Variants in TRIM4 observed in about 807,000 individuals in gnomAD.
TRIM4 encodes tripartite motif containing 4.
TRIM4 carries 29 observed loss-of-function variants against 33.7 expected under a neutral mutation model. That is an observed-to-expected ratio of 0.86 (90% CI 0.64 to 1.17). The LOEUF is 1.17. Ranked by LOEUF, TRIM4 falls within the 50% of genes most tolerant of loss-of-function variation. TRIM4 has a pLI of 0.00. For synonymous variants in TRIM4, 224 were observed against 233.0 expected, an observed-to-expected ratio of 0.96 and a Z score of 0.35; for missense variants, 554 against 593.7, an observed-to-expected ratio of 0.93 and a Z score of 0.69.
In TRIM4 at chr7:99,903,617, C is replaced by A. The variant is rs1323326432; in HGVS notation, c.721-19G>T. On this transcript the variant is annotated intron_variant, in intron 3 of 5. Transcript: ENST00000349062. ...TTGGATTCTGTGAAAAGAAGGAAGA[C>A]ATAAGCAAATTACGAACCTTCTCCT... 1 of 1,614,218 alleles carries A rather than the reference C, an allele frequency of 6.2e-7. No individual in the cohort carries two copies. Among genetic ancestry groups the A allele is most frequent in the East Asian group, 2.2e-5 (1 of 44,894 alleles).
intron 1 of TRIM4, chr7:99,917,624 C>A: frequency 5.7e-6 from 1 of 174,474 alleles, no homozygotes; most frequent in Non-Finnish European, 1.1e-5. Context: ...TAAGCTGAGG[C>A]AGGAGAATCA....
At position 99,919,338 on chromosome 7, in the gene TRIM4, G is replaced by A. The variant is rs1184981486; in HGVS notation, c.64C>T (p.Pro22Ser). The change falls in exon 1 of 6, where the codon CCG becomes TCG. Residue 22 changes from proline to serine, a missense_variant. Transcript: ENST00000349062. ...TTGTGGCCGCACTCGATGGACACCGGGTCCTGGAAATAGTCCAGGCAGATG... is the reference window on the plus strand; with the variant it reads ...TTGTGGCCGCACTCGATGGACACCGAGTCCTGGAAATAGTCCAGGCAGATG... ...CPICLDYFQD[P>S]VSIECGHNFC... is the part of the protein sequence containing the mutation. 2 of 1,580,430 alleles carry A rather than the reference G, an allele frequency of 1.3e-6. No homozygotes were observed. The highest frequency in any genetic ancestry group is 1.4e-5 in the African/African-American group (1 of 73,058).
At chr7:99,897,992 A>G (rs1346717353) in intron 5 of TRIM4, among the ~76,000 whole-genome samples, 4 of 152,212 alleles carry the variant, frequency 2.6e-5, no homozygotes, top group African/African-American at 9.7e-5. Flanking sequence ...ACCTCTTTCC[A>G]GAACACAACA....
At chr7:99,895,596 G>T (rs1818998968) in intron 5 of TRIM4, among the ~76,000 whole-genome samples, 1 of 152,156 alleles carries the variant, frequency 6.6e-6, no homozygotes, top group South Asian at 2.1e-4. Flanking sequence ...CTATATCCCT[G>T]CTGATTTATT....
chr7:99,908,969 T>C (rs995224062), intron 2 of TRIM4, among the ~76,000 whole-genome samples, 157 bp from the exon 3 acceptor site: 1 of 152,234 alleles, frequency 6.6e-6, no homozygotes, highest in African/African-American at 2.4e-5. Flanking sequence ...CCTTTATTTA[T>C]ACCTACTTGA....
chr7:99,899,563 C>T (rs1819106271), intron 5 of TRIM4, among the ~76,000 whole-genome samples: 1 of 152,218 alleles, frequency 6.6e-6, no homozygotes, highest in Non-Finnish European at 1.5e-5. Context: ...TACCACTTCA[C>T]ACATGAGAAC....
At position 99,891,346 on chromosome 7, in the gene TRIM4, G is replaced by A. The variant is rs12666007; in HGVS notation, c.*817C>T. 8 of 152,368 alleles carry A rather than the reference G, an allele frequency of 5.3e-5. No homozygotes were observed. The East Asian group carries it at 1.5e-3, about 29-fold the overall frequency. The allele number at this position is 152,368 out of a possible 1,614,324, so 9.4% of individuals were successfully genotyped here. A position where few individuals can be genotyped will look rare whatever the true frequency, so the allele number is the denominator to read the frequency against. The stretch of plus-strand genomic sequence containing the variant: ...TCCATCTCACTGAGTTGTGATGAGA[G>A]TCATATGCAACAGCATATGAAGAGG... On this transcript the variant is annotated 3_prime_UTR_variant, in exon 6 of 6. Transcript: ENST00000349062.
chr7:99,909,534 G>A (rs1584270091), intron 2 of TRIM4, 31 bp downstream of exon 2: 1 of 1,597,828 alleles, frequency 6.3e-7, no homozygotes, highest in Non-Finnish European at 8.6e-7. Context: ...GACCTCAGGA[G>A]CAAGAAATAT....
At chr7:99,915,486 T>C (rs998009294) in intron 1 of TRIM4, among the ~76,000 whole-genome samples, 20 of 152,270 alleles carry the variant, frequency 1.3e-4, no homozygotes, top group African/African-American at 4.3e-4. Context: ...CCATAACGGG[T>C]ATAGGATGGG....
intron 1 of TRIM4, among the ~76,000 whole-genome samples, chr7:99,912,719 G>A (rs148312296): frequency 2.0e-5 from 3 of 152,258 alleles, no homozygotes; most frequent in Admixed American, 6.5e-5. Context: ...ATCTACATGT[G>A]GGTACACTGG....
rs1172330377 is a variant in TRIM4, at chr7:99,890,955, T to C, written c.*1208A>G. On this transcript the variant is annotated 3_prime_UTR_variant, in exon 6 of 6. Transcript: ENST00000349062. ...GGGAGAAAATATATTGAAATGTTAG[T>C]AGTGCATAACTTTAATTTTTATACT... The C allele has an allele frequency of 1.3e-5, 2 of 152,220 alleles. No individual in the cohort carries two copies. The highest frequency in any genetic ancestry group is 2.9e-5 in the Non-Finnish European group (2 of 68,046). The allele number at this position is 152,220 out of a possible 1,614,324, so 9.4% of individuals were successfully genotyped here.
rs188021204 is a variant in TRIM4, at chr7:99,896,771, G to T, written c.842-4025C>A. Among the ~76,000 whole-genome samples the T allele has an allele frequency of 1.1e-3, 172 of 152,380 alleles. 1 individual carries two copies. In the Middle Eastern group the frequency reaches 0.017, roughly 15 times the overall value. On this transcript the variant is annotated intron_variant, in intron 5 of 5. Transcript: ENST00000349062. ...ATAGCCACTATCCTTGATGGGTGGG[G>T]CCCACCAGGTGAGTATGGGGATACC... is the stretch of plus-strand genomic sequence containing the variant.
At chr7:99,916,899 C>T in intron 1 of TRIM4, 1 of 691,540 alleles carries the variant, frequency 1.4e-6, no homozygotes, top group Non-Finnish European at 2.6e-6. Flanking sequence ...CATGATAAGG[C>T]CCTGCCTTTT....
At position 99,892,305 on chromosome 7, in the gene TRIM4, G is replaced by A. The variant is rs1371792366; in HGVS notation, c.1283C>T (p.Thr428Ile). 6.2e-7 allele frequency: 1 copy of A among 1,614,178 alleles called. No homozygotes were observed. Among genetic ancestry groups the A allele is most frequent in the Non-Finnish European group, 8.5e-7 (1 of 1,180,034 alleles). ...AGCGCTGTAGAAGGAGACATTCCCA[G>A]TCCCACGATCCAGGTAAACCCCCAC... ...HRVGVYLDRG[T>I]GNVSFYSAVD... Residue 428 changes from threonine to isoleucine, a missense_variant, in exon 6 of 6, where the codon ACT becomes ATT. By Grantham distance (89) the Thr-to-Ile change is moderately conservative (BLOSUM62 -1). Around this residue, in one of 3 missense-constraint regions of TRIM4, gnomAD observed 290 missense variants for 335.8 expected, o/e 0.86. Transcript: ENST00000349062.
intron 5 of TRIM4, among the ~76,000 whole-genome samples, chr7:99,895,780 G>C (rs1194783984): frequency 6.6e-6 from 1 of 152,122 alleles, no homozygotes; most frequent in East Asian, 1.9e-4. Flanking sequence ...TTTATCATTA[G>C]GATATAACAT....
chr7:99,907,454 T>C (rs1819334105), intron 3 of TRIM4, among the ~76,000 whole-genome samples: 1 of 152,236 alleles, frequency 6.6e-6, no homozygotes, highest in Non-Finnish European at 1.5e-5. Context: ...TGCATTTCCA[T>C]TTGCTGATAT....
chr7:99,918,286 G>A (rs1247841346), intron 1 of TRIM4, among the ~76,000 whole-genome samples: 3 of 152,188 alleles, frequency 2.0e-5, no homozygotes, highest in Non-Finnish European at 4.4e-5. Flanking sequence ...ATCTCATTGA[G>A]GCCGGGCGTG....
At chr7:99,913,544 G>A (rs370713921) in intron 1 of TRIM4, among the ~76,000 whole-genome samples, 2 of 152,084 alleles carry the variant, frequency 1.3e-5, no homozygotes, top group African/African-American at 2.4e-5. Context: ...GGTGGCACAC[G>A]CCTGTAATCC....
intron 1 of TRIM4, among the ~76,000 whole-genome samples, chr7:99,913,949 T>C (rs1434087344): frequency 6.6e-6 from 1 of 152,188 alleles, no homozygotes; most frequent in Non-Finnish European, 1.5e-5. Context: ...AACTATAAAA[T>C]GAAGACAACT....
Sources: gnomAD v4.1 joint callset for allele counts (sites outside exome capture counted in the v4.1 genomes callset) on GRCh38, gnomAD v4.1.1 for gene constraint, gnomAD v4.1.1 regional missense constraint, MANE v1.5 for transcripts, NCBI Gene and HGNC (gene_info 2026-07-23, HGNC 2026-07-21) for gene names.